Variants in ZNF571 observed in about 807,000 individuals in gnomAD.
ZNF571 encodes zinc finger protein 571.
Under a neutral mutation model 7.7 loss-of-function variants are expected in ZNF571, and 4 were observed. The ratio of observed to expected loss-of-function variants is 0.52; its 90% CI spans 0.25 to 1.18. The LOEUF is 1.18. Ranked by LOEUF, ZNF571 falls within the 50% of genes most tolerant of loss-of-function variation. The pLI, the probability that ZNF571 is intolerant of heterozygous loss-of-function variation, is 0.14. For synonymous variants in ZNF571, 251 were observed against 232.4 expected (o/e 1.08, Z -0.73); for missense variants, 704 against 726.9 (o/e 0.97, Z 0.36).
chr19:37,570,434 T>C (rs988100786), intron 3 of ZNF571, among the ~76,000 whole-genome samples: 3 of 152,138 alleles, frequency 2.0e-5, no homozygotes, highest in Admixed American at 6.5e-5. Context: ...TCTCCCAAGA[T>C]AGACATAATT....
At chr19:37,593,559 C>T (rs1350095991) in intron 1 of ZNF571, among the ~76,000 whole-genome samples, 1 of 152,044 alleles carries the variant, frequency 6.6e-6, no homozygotes, top group African/African-American at 2.4e-5. Context: ...AAAAATTAGC[C>T]GGGCATGGTG....
chr19:37,581,306 A>G (rs2043450724), intron 3 of ZNF571, among the ~76,000 whole-genome samples: 1 of 152,146 alleles, frequency 6.6e-6, no homozygotes, highest in Non-Finnish European at 1.5e-5. Flanking sequence ...TACTAACATA[A>G]TAATACATAA....
intron 1 of ZNF571, among the ~76,000 whole-genome samples, chr19:37,590,054 A>G (rs2043820558): frequency 6.6e-6 from 1 of 151,850 alleles, no homozygotes; most frequent in African/African-American, 2.4e-5. Context: ...ATTTAATTAA[A>G]TTAAATGTTT....
Position 37,580,199 on chromosome 19 carries a change from G to T in ZNF571, c.136+3772C>A, listed in dbSNP as rs983470875. On this transcript the variant is annotated intron_variant, in intron 3 of 3. Transcript: ENST00000451802. ...ATCTCCAGCTATATTATCAGGTTTA[G>T]GCTTTATTTTCCTGCTGACAGTTGG... Among the ~76,000 whole-genome samples, 5 of 152,198 alleles carry T rather than the reference G, an allele frequency of 3.3e-5. No individual in the cohort carries two copies. In the East Asian group the frequency reaches 5.8e-4, roughly 18 times the overall value.
Position 37,565,081 on chromosome 19 carries a change from ACATT to A in ZNF571, c.1343_1346del (p.Glu448ValfsTer101). The A allele has an allele frequency of 6.2e-7, 1 of 1,613,416 alleles. No homozygotes were observed. On this transcript the variant is annotated frameshift_variant, in exon 4 of 4. Transcript: ENST00000451802. LOFTEE classifies it low-confidence loss of function (END_TRUNC). ...GAATAAAGGCCTTTCCACATTCCTT[ACATT>A]CAAAGGGTTTCTCACCTGTATGAAT...
At chr19:37,579,500 C>A (rs1169169146) in intron 3 of ZNF571, among the ~76,000 whole-genome samples, 1 of 152,076 alleles carries the variant, frequency 6.6e-6, no homozygotes, top group East Asian at 1.9e-4. Context: ...GAAAGGATTC[C>A]CTATTCAATA....
chr19:37,594,240 G>A (rs2043950076), intron 1 of ZNF571: 1 of 152,302 alleles, frequency 6.6e-6, no homozygotes, highest in African/African-American at 2.4e-5. Context: ...AACTGCAGCA[G>A]CTGTAACCGC....
At chr19:37,566,414 A>C in intron 3 of ZNF571, 123 bp from the exon 4 acceptor site, 2 of 1,135,064 alleles carry the variant, frequency 1.8e-6, no homozygotes. Flanking sequence ...CAGTACAGAA[A>C]TATTTTCTGC....
Position 37,566,302 on chromosome 19 carries a change from AAAAG to A in ZNF571, c.137-15_137-12del. On this transcript the variant is annotated splice_polypyrimidine_tract_variant and intron_variant, in intron 3 of 3. Coordinates refer to ENST00000451802, the MANE Select transcript of ZNF571 (RefSeq NM_016536.5). ...AACTGGATTCCAAGTCTGTAGAATA[AAAAG>A]AAAGCAAATTCCTGCTTTTGTTTAC... is the stretch of plus-strand genomic sequence containing the variant. 1 of 1,571,216 alleles carries A rather than the reference AAAAG, an allele frequency of 6.4e-7. No individual in the cohort carries two copies. Among genetic ancestry groups the A allele is most frequent in the Non-Finnish European group, 8.6e-7 (1 of 1,162,674 alleles).
At chr19:37,584,290 C>G (rs971350095) in intron 2 of ZNF571, 193 bp from the exon 3 acceptor site, 4 of 617,132 alleles carry the variant, frequency 6.5e-6, no homozygotes, top group South Asian at 4.4e-5. Flanking sequence ...TACAATAGAA[C>G]AATTCCATTA....
rs989470891 is a variant in ZNF571 at position 37,569,989 on chromosome 19, T to G, written c.137-3698A>C. ...CTGCAGTCTACAAGGAAAGCCTCCA[T>G]AGCTGTGGTAAGACCTCCACATTCT... On this transcript the variant is annotated intron_variant, in intron 3 of 3. Coordinates refer to ENST00000451802, the MANE Select transcript of ZNF571 (RefSeq NM_016536.5). This position sits in a 1 kb window ranked among gnomAD's most constrained non-coding sequence, Gnocchi z 4.4. 6.6e-6 allele frequency: 1 copy of G among 152,230 alleles called. No individual in the cohort carries two copies. Among genetic ancestry groups the G allele is most frequent in the Non-Finnish European group, 1.5e-5 (1 of 68,056 alleles). 9.4% of individuals were successfully genotyped at this position (152,230 alleles called of 1,614,324 possible).
chr19:37,581,797 A>C (rs2043475029), intron 3 of ZNF571, among the ~76,000 whole-genome samples: 1 of 151,524 alleles, frequency 6.6e-6, no homozygotes, highest in African/African-American at 2.4e-5. Flanking sequence ...GTGAAAAAAA[A>C]ACAAAAAACA....
intron 1 of ZNF571, among the ~76,000 whole-genome samples, chr19:37,593,686 C>G (rs2043933586): frequency 6.6e-6 from 1 of 152,110 alleles, no homozygotes; most frequent in Non-Finnish European, 1.5e-5. Flanking sequence ...CAGGGCGACA[C>G]AGCGAGAATC....
Position 37,577,224 on chromosome 19 carries a change from A to G in ZNF571, c.136+6747T>C, listed in dbSNP as rs139447132. On this transcript the variant is annotated intron_variant, in intron 3 of 3. Coordinates refer to ENST00000451802, the MANE Select transcript of ZNF571 (RefSeq NM_016536.5). ...TTCATCACCCTCCTCAAATATTTCA[A>G]TATATCCAAATTTATAATTAACATA... is the stretch of plus-strand genomic sequence containing the variant. Among the ~76,000 whole-genome samples, 5 of 152,310 alleles carry G rather than the reference A, an allele frequency of 3.3e-5. No individual in the cohort carries two copies. The East Asian group carries it at 7.7e-4, about 23-fold the overall frequency.
In ZNF571 at chr19:37,564,899, G is replaced by A; in HGVS notation, c.1529C>T (p.Ala510Val). ...ACTAAGTTGTGAGCCATAAATAAAG[G>A]CCTTGTCACATTCCTTACATTTGTA... ...KPYKCKECDK[A>V]FIYGSQLSEH... Residue 510 changes from alanine to valine, a missense_variant, in exon 4 of 4, where the codon GCC becomes GTC. Ala to Val is a moderately conservative substitution (Grantham distance 64). Coordinates refer to ENST00000451802, the MANE Select transcript of ZNF571 (RefSeq NM_016536.5). 3 of 1,613,976 alleles carry A rather than the reference G, an allele frequency of 1.9e-6. No individual in the cohort carries two copies. The highest frequency in any genetic ancestry group is 2.5e-6 in the Non-Finnish European group (3 of 1,179,954).
chr19:37,586,981 A>T (rs2147205068), intron 1 of ZNF571: 1 of 360,022 alleles, frequency 2.8e-6, no homozygotes, highest in African/African-American at 2.1e-5. Context: ...CTTCCACAGT[A>T]GAACAGAGGC....
rs138387764 is a variant in ZNF571, at chr19:37,564,715, T to G, written c.1713A>C (p.Ser571=). ...GGATCCTTTGATGCAGAGTAAGTTC[T>G]GAGCCACGACTAAAGGCCCTCCCAC... The part of the protein sequence containing the change: ...KECGRAFSRG[S]ELTLHQRIHT... Residue 571 remains serine (S), a synonymous_variant, in exon 4 of 4, where the codon TCA becomes TCC. Coordinates refer to ENST00000451802, the MANE Select transcript of ZNF571 (RefSeq NM_016536.5). 23 of 1,613,520 alleles carry G rather than the reference T, an allele frequency of 1.4e-5. No individual in the cohort carries two copies. The highest frequency in any genetic ancestry group is 1.8e-5 in the Non-Finnish European group (21 of 1,179,646).
At chr19:37,589,021 A>G (rs1421892188) in intron 1 of ZNF571, among the ~76,000 whole-genome samples, 34 of 151,960 alleles carry the variant, frequency 2.2e-4, no homozygotes, top group Admixed American at 2.2e-3. Flanking sequence ...CCAATGTGGT[A>G]AAACCCCATC....
At chr19:37,589,906 A>G (rs1429983212) in intron 1 of ZNF571, among the ~76,000 whole-genome samples, 1 of 146,752 alleles carries the variant, frequency 6.8e-6, no homozygotes, top group Non-Finnish European at 1.5e-5. Context: ...GAATTGAATC[A>G]TGAGGAAACA....
Sources: gnomAD v4.1 joint callset for allele counts (sites outside exome capture counted in the v4.1 genomes callset) on GRCh38, gnomAD v4.1.1 for gene constraint, Gnocchi (gnomAD v3.1) non-coding constraint, MANE v1.5 for transcripts, NCBI Gene and HGNC (gene_info 2026-07-23, HGNC 2026-07-21) for gene names.